ZFHX3: variants seen among roughly 807,000 people sequenced by gnomAD.
ZFHX3 encodes the protein zinc finger homeobox 3, also known as zinc finger homeobox protein 3.
A neutral mutation model predicts 279.1 loss-of-function variants in ZFHX3; 42 were observed. The ratio of observed to expected loss-of-function variants is 0.15; its 90% CI spans 0.12 to 0.19. The LOEUF (loss-of-function observed/expected upper bound fraction) is 0.19, where lower values mean the gene tolerates loss of function less well. Ranked by LOEUF, ZFHX3 falls within the 10% of genes least tolerant of loss-of-function variation. The probability of loss-of-function intolerance (pLI) is 1.00; values close to 1 mark genes in which losing one functional copy is unlikely to be tolerated. For synonymous variants in ZFHX3, 2,293 were observed against 1,957.8 expected (o/e 1.17, Z -4.52); for missense variants, 4,981 against 4,754.0 (o/e 1.05, Z -1.40).
intron 5 of ZFHX3, among the ~76,000 whole-genome samples, chr16:73,162,818 A>C (rs184049650): frequency 1.1e-4 from 16 of 152,324 alleles, no homozygotes; most frequent in Non-Finnish European, 2.9e-5. Flanking sequence ...CTAAATGAGA[A>C]ACAAAAGGGA....
chr16:73,802,519 G>A (rs328393), intron 1 of ZFHX3, among the ~76,000 whole-genome samples: 23,818 of 152,170 alleles, frequency 0.16, 5,451 homozygotes, highest in African/African-American at 0.51. Flanking sequence ...AGGACACAAG[G>A]TGTTTGGCTG....
At chr16:72,821,301 TCTCCACTTTCCC>T (rs1341520593) in intron 5 of ZFHX3, among the ~76,000 whole-genome samples, 1 of 152,180 alleles carries the variant, frequency 6.6e-6, no homozygotes, top group Non-Finnish European at 1.5e-5. Context: ...TGGGAATGAT[TCTCCACTTTCCC>T]CTCCAGATTT....
chr16:72,807,186 T>C (rs1162154026), intron 7 of ZFHX3: 1 of 152,228 alleles, frequency 6.6e-6, no homozygotes, highest in African/African-American at 2.4e-5. Flanking sequence ...AGCTTCTTTG[T>C]AAATAGGTGA....
At chr16:73,473,024 G>C (rs1487006486) in intron 2 of ZFHX3, among the ~76,000 whole-genome samples, 1 of 150,958 alleles carries the variant, frequency 6.6e-6, no homozygotes, top group Non-Finnish European at 1.5e-5. Context: ...ACTAGTACAG[G>C]GGCCCCTGGA....
chr16:73,168,211 T>TTTTCTTTTTCTTTCTTTCTTTC lies in ZFHX3; in HGVS notation c.-1103-24381_-1103-24380insGAAAGAAAGAAAGAAAAAGAAA, dbSNP rs1555502324. On this transcript the variant is annotated intron_variant, in intron 5 of 17. Coordinates refer to the ZFHX3 transcript ENST00000641206. ...CCTTTTAACACTATAGTTTCTTTTGTTTTCTTTCTTTCTTTCTTTCTTTCT... is the reference window on the plus strand; with the variant it reads ...CCTTTTAACACTATAGTTTCTTTTGTTTTCTTTTTCTTTCTTTCTTTCTTTCTTTCTTTCTTTCTTTCTTTCT... Among the ~76,000 whole-genome samples the TTTTCTTTTTCTTTCTTTCTTTC allele has an allele frequency of 7.0e-4, 67 of 95,308 alleles. 1 individual carries two copies. Among genetic ancestry groups the TTTTCTTTTTCTTTCTTTCTTTC allele is most frequent in the African/African-American group, 2.4e-3 (60 of 25,014 alleles). 62.5% of individuals were successfully genotyped at this position (95,308 alleles called of 152,430 possible).
At chr16:73,122,749 G>A (rs754837501) in intron 7 of ZFHX3, among the ~76,000 whole-genome samples, 33 of 152,120 alleles carry the variant, frequency 2.2e-4, no homozygotes, top group Non-Finnish European at 3.8e-4. Context: ...AAGAAAACAC[G>A]AAGTGAGGAG....
chr16:73,546,265 A>G (rs2020106459), intron 2 of ZFHX3, among the ~76,000 whole-genome samples: 1 of 151,576 alleles, frequency 6.6e-6, no homozygotes. Flanking sequence ...AACCCAAATC[A>G]TTTTTCCCCT....
At chr16:73,053,734 T>C (rs189469375) in intron 1 of ZFHX3, among the ~76,000 whole-genome samples, 51 of 152,112 alleles carry the variant, frequency 3.4e-4, no homozygotes, top group Non-Finnish European at 5.3e-4. Flanking sequence ...CCTGGCAGCT[T>C]AGGAGCACAC....
At chr16:73,163,967 C>T (rs959166015) in intron 5 of ZFHX3, among the ~76,000 whole-genome samples, 2 of 151,908 alleles carry the variant, frequency 1.3e-5, no homozygotes, top group Non-Finnish European at 2.9e-5. Context: ...AGTAAATTAC[C>T]CCAGTTTGGC....
At chr16:73,473,365 A>AAAAAAAAC (rs1567494437) in intron 2 of ZFHX3, among the ~76,000 whole-genome samples, 92 of 130,104 alleles carry the variant, frequency 7.1e-4, no homozygotes, top group African/African-American at 2.6e-3. Context: ...AAACAAAAAA[A>AAAAAAAAC]AAAAAAACAA....
At chr16:72,944,420 T>C (rs2144360557) in intron 3 of ZFHX3, among the ~76,000 whole-genome samples, 1 of 152,216 alleles carries the variant, frequency 6.6e-6, no homozygotes, top group Non-Finnish European at 1.5e-5. Context: ...GAGCACAAAA[T>C]ATCAACTACA....
Position 72,959,345 on chromosome 16 carries a change from G to C in ZFHX3, c.801C>G (p.Ser267=), listed in dbSNP as rs773527366. 6 of 1,614,236 alleles carry C rather than the reference G, an allele frequency of 3.7e-6. No homozygotes were observed. The highest frequency in any genetic ancestry group is 1.7e-5 in the Admixed American group (1 of 60,032). ...SKDVPNNVDL[S]KFDGFVLYGK... is the part of the protein sequence containing the mutation. ...CATAGAGCACAAAGCCATCGAATTT[G>C]GACAGGTCCACATTGTTGGGAACAT... is the stretch of plus-strand genomic sequence containing the variant. The change falls in exon 2 of 10, where the codon TCC becomes TCG. Residue 267 remains serine, a synonymous_variant. Coordinates refer to ENST00000268489, the MANE Select transcript of ZFHX3 (RefSeq NM_006885.4).
chr16:72,792,358 C>T (rs562258243), intron 9 of ZFHX3, among the ~76,000 whole-genome samples: 1 of 152,298 alleles, frequency 6.6e-6, no homozygotes, highest in Admixed American at 6.5e-5. Context: ...GGTCAGTGCA[C>T]TCAAGTAGAA....
chr16:73,591,453 G>A (rs1203329595), intron 2 of ZFHX3, among the ~76,000 whole-genome samples: 2 of 151,904 alleles, frequency 1.3e-5, no homozygotes, highest in African/African-American at 4.8e-5. Flanking sequence ...CAGCACTTTG[G>A]GAGGCCAAGA....
chr16:72,870,472 G>A (rs1031775793), intron 4 of ZFHX3, among the ~76,000 whole-genome samples: 7 of 151,996 alleles, frequency 4.6e-5, no homozygotes, highest in Admixed American at 6.6e-5. Flanking sequence ...CACTTTGGGA[G>A]GCAGAGGCAG....
intron 2 of ZFHX3, among the ~76,000 whole-genome samples, chr16:73,542,795 T>C (rs775513368): frequency 6.6e-6 from 1 of 152,210 alleles, no homozygotes; most frequent in African/African-American, 2.4e-5. Context: ...ATATCATGTA[T>C]CTGAAATTCA....
chr16:73,079,963 T>C (rs552305480), intron 8 of ZFHX3, among the ~76,000 whole-genome samples: 1 of 152,262 alleles, frequency 6.6e-6, no homozygotes, highest in South Asian at 2.1e-4. Flanking sequence ...AATTCCCTGA[T>C]GCAGACAACC....
chr16:73,732,209 G>C (rs918005552), intron 1 of ZFHX3, among the ~76,000 whole-genome samples: 1 of 152,096 alleles, frequency 6.6e-6, no homozygotes, highest in Admixed American at 6.5e-5. Flanking sequence ...TGGGAAGGAA[G>C]GTTGACTCCG....
At chr16:73,089,080 C>A (rs1966042282) in intron 8 of ZFHX3, among the ~76,000 whole-genome samples, 1 of 152,114 alleles carries the variant, frequency 6.6e-6, no homozygotes, top group Non-Finnish European at 1.5e-5. Flanking sequence ...TAATGTTACA[C>A]CTTTTTTTAA....
Sources: allele counts gnomAD v4.1 joint callset (sites outside exome capture counted in the v4.1 genomes callset), GRCh38; gene constraint gnomAD v4.1.1; transcripts MANE v1.5; gene names NCBI Gene and HGNC (gene_info 2026-07-23, HGNC 2026-07-21).